Variants in ABCB11 observed in about 807,000 individuals in gnomAD.
ABCB11 encodes the protein ATP binding cassette subfamily B member 11.
Under a neutral mutation model 148.0 loss-of-function variants are expected in ABCB11, and 95 were observed. The ratio of observed to expected loss-of-function variants is 0.64; its 90% CI spans 0.54 to 0.76. ABCB11 has a LOEUF of 0.76. Among genes scored for constraint, ABCB11 ranks in the 30% least tolerant of loss-of-function variants. The pLI is 0.00. For synonymous variants in ABCB11, 591 were observed against 555.4 expected (o/e 1.06, Z -0.90); for missense variants, 1,523 against 1,617.8 (o/e 0.94, Z 1.01).
intron 18 of ABCB11, among the ~76,000 whole-genome samples, chr2:168,960,899 G>A (rs924681795): frequency 1.5e-4 from 23 of 151,618 alleles, no homozygotes; most frequent in Non-Finnish European, 5.9e-5. Context: ...CTCACAGACA[G>A]GTAAAATTAT....
chr2:168,934,670 C>A (rs940371101), intron 23 of ABCB11, among the ~76,000 whole-genome samples: 8 of 152,220 alleles, frequency 5.3e-5, no homozygotes, highest in African/African-American at 1.9e-4. Flanking sequence ...ATTTTCTCAG[C>A]ATTAACATGT....
rs1351356919 is a variant in ABCB11, at chr2:168,936,278, C to T, written c.2766G>A (p.Leu922=). ...ALSGATQTRM[L]TGFASRDKQA... ...GCTTATCTCGAGAGGCAAATCCTGT[C>T]AACATCCTGGTCTGTGTGGCTCCTG... The change falls in exon 22 of 28, where the codon TTG becomes TTA. Residue 922 remains leucine (L), a synonymous_variant. Coordinates refer to ENST00000650372, the MANE Select transcript of ABCB11 (RefSeq NM_003742.4). 1 of 1,613,918 alleles carries T rather than the reference C, an allele frequency of 6.2e-7. No individual in the cohort carries two copies. The highest frequency in any genetic ancestry group is 1.3e-5 in the African/African-American group (1 of 75,034).
Position 168,936,435 on chromosome 2 carries a change from T to A in ABCB11, c.2611-2A>T, listed in dbSNP as rs761669474. ...CATCCCGATCTGAGAGCCGGCAGCC[T>A]GCAAACCAAAAAGCAATCAACCCGT... On this transcript the variant is annotated splice_acceptor_variant, in intron 21 of 27. Coordinates refer to ENST00000650372, the MANE Select transcript of ABCB11 (RefSeq NM_003742.4). LOFTEE classifies it high-confidence loss of function. 1.2e-6 allele frequency: 2 copies of A among 1,613,774 alleles called. No individual in the cohort carries two copies. Among genetic ancestry groups the A allele is most frequent in the South Asian group, 2.2e-5 (2 of 91,058 alleles).
chr2:168,928,061 C>T (rs556161914), intron 25 of ABCB11, among the ~76,000 whole-genome samples: 3 of 152,198 alleles, frequency 2.0e-5, no homozygotes, highest in Admixed American at 6.5e-5. Context: ...AGATGCCTAA[C>T]GTGCTACTAT....
At chr2:168,968,592 C>A in intron 16 of ABCB11, 102 bp from the exon 17 acceptor site, 1 of 921,732 alleles carries the variant, frequency 1.1e-6, no homozygotes, top group South Asian at 2.0e-5. Flanking sequence ...ATTACTATGT[C>A]AAATGCCAAA....
At chr2:168,992,144 T>C (rs756762642) in intron 8 of ABCB11, among the ~76,000 whole-genome samples, 3 of 151,958 alleles carry the variant, frequency 2.0e-5, no homozygotes, top group Non-Finnish European at 2.9e-5. Context: ...TAGTTGCTTG[T>C]AGAAGTTTGT....
At position 168,927,191 on chromosome 2, in the gene ABCB11, C is replaced by T; in HGVS notation, c.3583G>A (p.Ala1195Thr). 2 of 1,613,804 alleles carry T rather than the reference C, an allele frequency of 1.2e-6. No individual in the cohort carries two copies. Among genetic ancestry groups the T allele is most frequent in the Non-Finnish European group, 1.7e-6 (2 of 1,179,788 alleles). Residue 1195 changes from alanine (A) to threonine (T), a missense_variant, in exon 26 of 28, where the codon GCT (alanine) becomes ACT (threonine). Transcript: ENST00000650372. ...MERVIAAAKQAQLHDFVMSLP... is the reference protein window; with the variant it reads ...MERVIAAAKQTQLHDFVMSLP... ...GACATGACAAAATCATGCAGCTGAG[C>T]CTGTTTTGCAGCTGCTATGACTCTT...
Position 168,923,607 on chromosome 2 carries a change from G to T in ABCB11, c.*15C>A, listed in dbSNP as rs750867721. The T allele has an allele frequency of 6.2e-7, 1 of 1,613,318 alleles. No individual in the cohort carries two copies. Among genetic ancestry groups the T allele is most frequent in the Admixed American group, 1.7e-5 (1 of 59,992 alleles). On this transcript the variant is annotated 3_prime_UTR_variant, in exon 28 of 28. Coordinates refer to ENST00000650372, the MANE Select transcript of ABCB11 (RefSeq NM_003742.4). ...TAACTGGTGCGTCATGTGTGTCTGA[G>T]ATTCTTGCATTGGGTCAACTGATGG... is the stretch of plus-strand genomic sequence containing the variant.
intron 5 of ABCB11, 52 bp downstream of exon 5, chr2:169,013,220 C>T: frequency 7.2e-7 from 1 of 1,391,176 alleles, no homozygotes; most frequent in South Asian, 1.3e-5. Flanking sequence ...TTTTGAATTA[C>T]AATTTAAGAT....
intron 18 of ABCB11, among the ~76,000 whole-genome samples, chr2:168,959,781 C>T (rs182104003): frequency 1.7e-4 from 26 of 151,522 alleles, no homozygotes; most frequent in Non-Finnish European, 3.4e-4. Context: ...TTGTTGGTAT[C>T]ATCTGGCCCT....
chr2:168,991,601 G>T (rs1694526407), intron 8 of ABCB11, among the ~76,000 whole-genome samples: 2 of 151,978 alleles, frequency 1.3e-5, no homozygotes, highest in Non-Finnish European at 2.9e-5. Context: ...TATTGCGGAA[G>T]ATCAACTAGC....
At chr2:168,932,260 T>C in intron 24 of ABCB11, 117 bp downstream of exon 24, 1 of 853,664 alleles carries the variant, frequency 1.2e-6, no homozygotes, top group Non-Finnish European at 1.8e-6. Flanking sequence ...CATGTGGTGT[T>C]TGGTTTTCTG....
At chr2:168,932,054 T>C (rs1691590346) in intron 24 of ABCB11, among the ~76,000 whole-genome samples, 2 of 152,134 alleles carry the variant, frequency 1.3e-5, no homozygotes, top group Non-Finnish European at 2.9e-5. Context: ...ATGTGTAGAA[T>C]GTGCAGGCTT....
At chr2:168,969,269 T>C (rs1460132808) in intron 16 of ABCB11, 81 bp downstream of exon 16, 4 of 1,316,834 alleles carry the variant, frequency 3.0e-6, no homozygotes, top group Admixed American at 2.1e-5. Context: ...ACAGTGAGTA[T>C]TGAAATACAT....
intron 17 of ABCB11, among the ~76,000 whole-genome samples, chr2:168,968,033 T>G (rs1693390142): frequency 6.6e-6 from 1 of 151,896 alleles, no homozygotes; most frequent in African/African-American, 2.4e-5. Flanking sequence ...TGCAGCTCAG[T>G]AGATTAAAGA....
rs2105872192 is a variant in ABCB11, at chr2:168,923,093, T to C, written c.*529A>G. ...GCCTTAGAGATGAAGGAAGCTGGTT[T>C]CACTTGAAAGACAAATTTAGTTAAG... is the stretch of plus-strand genomic sequence containing the variant. On this transcript the variant is annotated 3_prime_UTR_variant, in exon 28 of 28. Coordinates refer to ENST00000650372, the MANE Select transcript of ABCB11 (RefSeq NM_003742.4). 1 of 156,860 alleles carries C rather than the reference T, an allele frequency of 6.4e-6. No homozygotes were observed. Among genetic ancestry groups the C allele is most frequent in the African/African-American group, 2.4e-5 (1 of 41,600 alleles). 9.7% of individuals were successfully genotyped at this position (156,860 alleles called of 1,614,324 possible). A position where few individuals can be genotyped will look rare whatever the true frequency, so the allele number is the denominator to read the frequency against.
intron 5 of ABCB11, among the ~76,000 whole-genome samples, chr2:169,000,676 G>A (rs1388134788): frequency 6.6e-6 from 1 of 152,036 alleles, no homozygotes; most frequent in African/African-American, 2.4e-5. Flanking sequence ...GACTGCATTA[G>A]CTATATAATA....
intron 10 of ABCB11, among the ~76,000 whole-genome samples, chr2:168,981,327 C>A (rs754333851): frequency 2.0e-5 from 3 of 152,138 alleles, no homozygotes; most frequent in Non-Finnish European, 4.4e-5. Flanking sequence ...AGAATCCCAG[C>A]CTATGCATAG....
At chr2:168,931,176 C>T (rs551754) in intron 24 of ABCB11, among the ~76,000 whole-genome samples, 71,522 of 151,954 alleles carry the variant, frequency 0.47, 18,325 homozygotes, top group South Asian at 0.65. Context: ...GATATGACAT[C>T]ACAGAAGCCA....
Sources: allele counts gnomAD v4.1 joint callset (sites outside exome capture counted in the v4.1 genomes callset), GRCh38; gene constraint gnomAD v4.1.1; transcripts MANE v1.5; gene names NCBI Gene and HGNC (gene_info 2026-07-23, HGNC 2026-07-21).